OSBPL5: variants seen among roughly 807,000 people sequenced by gnomAD.
OSBPL5 encodes oxysterol binding protein like 5, also known as oxysterol-binding protein-related protein 5.
OSBPL5 carries 71 observed loss-of-function variants against 111.2 expected under a neutral mutation model. The observed-to-expected ratio is 0.64, with a 90% confidence interval of 0.53 to 0.78. The LOEUF is 0.78. Among genes scored for constraint, OSBPL5 ranks in the 30% least tolerant of loss-of-function variants. The pLI, the probability that OSBPL5 is intolerant of heterozygous loss-of-function variation, is 0.00. For missense variants in OSBPL5, 1,210 were observed against 1,189.3 expected (o/e 1.02, Z -0.26); for synonymous variants, 549 against 513.9 (o/e 1.07, Z -0.93).
chr11:3,164,804 G>C (rs973249666), intron 1 of OSBPL5, among the ~76,000 whole-genome samples: 3 of 152,172 alleles, frequency 2.0e-5, no homozygotes, highest in Non-Finnish European at 4.4e-5. Context: ...GGCCGAGCTG[G>C]GGGGACAGAC....
chr11:3,103,784 G>C (rs1453331734), intron 10 of OSBPL5, among the ~76,000 whole-genome samples: 1 of 65,706 alleles, frequency 1.5e-5, no homozygotes, highest in Non-Finnish European at 3.3e-5. Flanking sequence ...AGCCTCTGCA[G>C]TCCCTTCCTG....
At position 3,110,978 on chromosome 11, in the gene OSBPL5, C is replaced by A. The variant is rs1590663397; in HGVS notation, c.692-3033G>T. On this transcript the variant is annotated intron_variant, in intron 7 of 21. Transcript: ENST00000263650. The surrounding 1 kb of genome is among the most constrained non-coding windows in gnomAD (Gnocchi z 5.3). ...ACTTTCTAAATTAACTGAGACCTGT[C>A]TCAGATTTTCAGGGTTCAAACATTT... is the stretch of plus-strand genomic sequence containing the variant. Among the ~76,000 whole-genome samples the A allele has an allele frequency of 6.6e-6, 1 of 152,194 alleles. No individual in the cohort carries two copies. The highest frequency in any genetic ancestry group is 2.4e-5 in the African/African-American group (1 of 41,444).
At position 3,096,274 on chromosome 11, in the gene OSBPL5, AGTTT is replaced by A. The variant is rs570917688; in HGVS notation, c.1622-1944_1622-1941del. On this transcript the variant is annotated intron_variant, in intron 14 of 21. Coordinates refer to ENST00000263650, the MANE Select transcript of OSBPL5 (RefSeq NM_020896.4). ...GATTGTAGACTCGATGACAACTAAG[AGTTT>A]GTTTGTTTGTTTTTCATCTGATGAT... is the stretch of plus-strand genomic sequence containing the variant. 5.8e-4 allele frequency among the ~76,000 whole-genome samples: 89 copies of A among 152,198 alleles called. 1 individual carries two copies. The South Asian group carries it at 0.016, about 28-fold the overall frequency.
chr11:3,098,838 ACGCC>A (rs1857366175), intron 14 of OSBPL5, among the ~76,000 whole-genome samples: 1 of 146,566 alleles, frequency 6.8e-6, no homozygotes, highest in African/African-American at 2.6e-5. Context: ...ATGGGATCTC[ACGCC>A]AGCCCAGGCT....
intron 14 of OSBPL5, among the ~76,000 whole-genome samples, chr11:3,098,793 C>T (rs7108357): frequency 0.015 from 2,328 of 151,132 alleles, 56 homozygotes; most frequent in African/African-American, 0.054. Context: ...TTGTGAGCCA[C>T]TGAGCCCAGC....
chr11:3,151,328 A>C (rs1171739241), intron 1 of OSBPL5, among the ~76,000 whole-genome samples: 3 of 152,186 alleles, frequency 2.0e-5, no homozygotes, highest in African/African-American at 7.2e-5. Context: ...TGGCAGCCCC[A>C]GAGCACTCAT....
chr11:3,090,317 T>C (rs961387959), intron 20 of OSBPL5, among the ~76,000 whole-genome samples: 2 of 152,124 alleles, frequency 1.3e-5, no homozygotes, highest in Non-Finnish European at 2.9e-5. Flanking sequence ...GGGGAGCCCC[T>C]GGCCTGGGCC....
At position 3,092,409 on chromosome 11, in the gene OSBPL5, G is replaced by T; in HGVS notation, c.2259+23C>A. 4 of 1,562,360 alleles carry T rather than the reference G, an allele frequency of 2.6e-6. No homozygotes were observed. Among genetic ancestry groups the T allele is most frequent in the Non-Finnish European group, 3.5e-6 (4 of 1,151,250 alleles). On this transcript the variant is annotated intron_variant, in intron 19 of 21. Transcript: ENST00000263650. The surrounding 1 kb of genome is among the most constrained non-coding windows in gnomAD (Gnocchi z 5.4). ...ACACGTGCAGCTAAGACCAGCCCTG[G>T]GTGGGGCCTGTGGGGTGCTGACCTC...
chr11:3,149,806 G>A (rs1203273208), intron 1 of OSBPL5, among the ~76,000 whole-genome samples: 1 of 152,208 alleles, frequency 6.6e-6, no homozygotes, highest in South Asian at 2.1e-4. Flanking sequence ...GTAGCCCGGG[G>A]CACAAGGGCC....
rs746558203 is a variant in OSBPL5, at chr11:3,129,114, G to T, written c.35C>A (p.Ser12Tyr). ...KEEAFLRRRFSLCPPSSTPQK... is the reference protein window; with the variant it reads ...KEEAFLRRRFYLCPPSSTPQK... ...AGGGGTGGAGGAAGGTGGACACAGG[G>T]AGAAGCGGCGCCGGAGGAAGGCCTC... Residue 12 changes from serine to tyrosine, a missense_variant, in exon 2 of 22, where the codon TCC becomes TAC. Ser to Tyr is a moderately radical substitution (Grantham distance 144, BLOSUM62 -2). Transcript: ENST00000263650. The T allele has an allele frequency of 6.6e-7, 1 of 1,511,262 alleles. No homozygotes were observed. The highest frequency in any genetic ancestry group is 1.3e-5 in the South Asian group (1 of 79,360). The allele number at this position is 1,511,262 out of a possible 1,614,324, so 93.6% of individuals were successfully genotyped here. A position where few individuals can be genotyped will look rare whatever the true frequency, so the allele number is the denominator to read the frequency against.
At chr11:3,137,692 C>A (rs1391296214) in intron 1 of OSBPL5, among the ~76,000 whole-genome samples, 1 of 152,178 alleles carries the variant, frequency 6.6e-6, no homozygotes, top group Non-Finnish European at 1.5e-5. Flanking sequence ...GCCTGTGGTC[C>A]CAGTTACTCA....
rs1308925238 is a variant in OSBPL5, at chr11:3,101,122, G to A, written c.1522+481C>T. Among the ~76,000 whole-genome samples the A allele has an allele frequency of 5.3e-5, 8 of 151,948 alleles. No individual in the cohort carries two copies. The South Asian group carries it at 1.0e-3, about 20-fold the overall frequency. ...TCCCAGTAGCTGGGATGACAGGCAC[G>A]TGCCACCATGCCCGGCTAACTTTTG... is the stretch of plus-strand genomic sequence containing the variant. On this transcript the variant is annotated intron_variant, in intron 13 of 21. Coordinates refer to ENST00000263650, the MANE Select transcript of OSBPL5 (RefSeq NM_020896.4).
chr11:3,119,979 C>A, intron 6 of OSBPL5: 1 of 416,044 alleles, frequency 2.4e-6, no homozygotes, highest in Non-Finnish European at 4.3e-6. Context: ...AAGTATTTCC[C>A]ATACATGACT....
chr11:3,108,639 C>A (rs912158559), intron 7 of OSBPL5, among the ~76,000 whole-genome samples: 1 of 152,262 alleles, frequency 6.6e-6, no homozygotes, highest in Non-Finnish European at 1.5e-5. Context: ...GTGACAGCAC[C>A]ACCCAAGGGT....
chr11:3,093,685 G>A (rs1440078982), intron 16 of OSBPL5, 22 bp from the exon 17 acceptor site: 3 of 1,612,992 alleles, frequency 1.9e-6, no homozygotes, highest in African/African-American at 2.7e-5. Flanking sequence ...GGCCAGCGGG[G>A]TCAGAGGCTG....
chr11:3,128,890 C>A (rs1858728113), intron 2 of OSBPL5, 123 bp downstream of exon 2: 1 of 949,130 alleles, frequency 1.1e-6, no homozygotes, highest in Non-Finnish European at 1.4e-6. Context: ...GATCATGAAA[C>A]CCACACAGTC....
At chr11:3,112,702 T>C (rs539613796) in intron 7 of OSBPL5, among the ~76,000 whole-genome samples, 7 of 152,298 alleles carry the variant, frequency 4.6e-5, no homozygotes, top group Admixed American at 1.3e-4. Context: ...AGTTAAATGA[T>C]AGGTAGTCCC....
At chr11:3,098,132 G>C (rs988428930) in intron 14 of OSBPL5, among the ~76,000 whole-genome samples, 8 of 151,568 alleles carry the variant, frequency 5.3e-5, no homozygotes, top group African/African-American at 9.7e-5. Context: ...ATGAAACCAA[G>C]TAGAACTTCT....
intron 1 of OSBPL5, among the ~76,000 whole-genome samples, chr11:3,131,776 T>TCCATCCAA (rs1274325070): frequency 8.7e-6 from 1 of 114,716 alleles, no homozygotes; most frequent in Admixed American, 8.4e-5. Flanking sequence ...TTCCCATCCA[T>TCCATCCAA]CCATCCATCC....
Sources: allele counts gnomAD v4.1 joint callset (sites outside exome capture counted in the v4.1 genomes callset), GRCh38; gene constraint gnomAD v4.1.1; non-coding constraint Gnocchi (gnomAD v3.1); transcripts MANE v1.5; gene names NCBI Gene and HGNC (gene_info 2026-07-23, HGNC 2026-07-21).